CSMD1: variants seen among roughly 807,000 people sequenced by gnomAD.
CSMD1 encodes CUB and sushi domain-containing protein 1.
A neutral mutation model predicts 417.5 loss-of-function variants in CSMD1; 213 were observed. The ratio of observed to expected loss-of-function variants is 0.51; its 90% CI spans 0.46 to 0.57. CSMD1 has a LOEUF of 0.57. Ranked by LOEUF, CSMD1 falls within the 20% of genes least tolerant of loss-of-function variation. The probability of loss-of-function intolerance (pLI) is 0.00; values close to 1 mark genes in which losing one functional copy is unlikely to be tolerated. For synonymous variants in CSMD1, 2,862 were observed against 1,736.8 expected, an observed-to-expected ratio of 1.65 and a Z score of -16.11; for missense variants, 6,923 against 4,529.7, an observed-to-expected ratio of 1.53 and a Z score of -15.17.
At chr8:4,470,933 T>A (rs1800494509) in intron 2 of CSMD1, among the ~76,000 whole-genome samples, 1 of 152,186 alleles carries the variant, frequency 6.6e-6, no homozygotes, top group Admixed American at 6.5e-5. Context: ...AAATAAGTAT[T>A]TTTGGGATTT....
At chr8:4,974,670 T>C (rs1417502934) in intron 1 of CSMD1, among the ~76,000 whole-genome samples, 1 of 152,148 alleles carries the variant, frequency 6.6e-6, no homozygotes, top group African/African-American at 2.4e-5. Flanking sequence ...CAAATAATGG[T>C]TAGACTCAGA....
At chr8:4,991,209 G>T (rs1274780639) in intron 1 of CSMD1, among the ~76,000 whole-genome samples, 1 of 152,170 alleles carries the variant, frequency 6.6e-6, no homozygotes, top group Non-Finnish European at 1.5e-5. Flanking sequence ...TAATATTCCT[G>T]TTTACCAGAT....
chr8:4,381,631 C>G (rs1563114633), intron 3 of CSMD1, among the ~76,000 whole-genome samples: 1 of 152,182 alleles, frequency 6.6e-6, no homozygotes, highest in African/African-American at 2.4e-5. Context: ...GATCCCTCCA[C>G]CCCTTGTAGG....
intron 5 of CSMD1, among the ~76,000 whole-genome samples, chr8:3,778,462 C>G (rs1174047285): frequency 6.6e-6 from 1 of 152,222 alleles, no homozygotes; most frequent in Non-Finnish European, 1.5e-5. Flanking sequence ...GTGCCCTCGC[C>G]TTACAAGGGT....
At chr8:4,796,067 G>C (rs1350366486) in intron 1 of CSMD1, among the ~76,000 whole-genome samples, 1 of 152,106 alleles carries the variant, frequency 6.6e-6, no homozygotes, top group Non-Finnish European at 1.5e-5. Flanking sequence ...AGAGCCACTG[G>C]CATTACAAAG....
chr8:3,958,918 C>A (rs1387355742), intron 5 of CSMD1, among the ~76,000 whole-genome samples: 3 of 152,146 alleles, frequency 2.0e-5, no homozygotes, highest in South Asian at 2.1e-4. Flanking sequence ...AATATACAAT[C>A]ATTTGTGCAA....
At chr8:4,756,630 CT>C (rs775940333) in intron 1 of CSMD1, among the ~76,000 whole-genome samples, 1 of 152,196 alleles carries the variant, frequency 6.6e-6, no homozygotes, top group Non-Finnish European at 1.5e-5. Flanking sequence ...AATTGTCTCA[CT>C]CCAGGATTAA....
intron 49 of CSMD1, among the ~76,000 whole-genome samples, chr8:3,076,397 CT>C (rs1373059654): frequency 1.3e-5 from 2 of 152,210 alleles, no homozygotes; most frequent in African/African-American, 4.8e-5. Context: ...AAGAAAGACC[CT>C]GTCTCCAAAT....
intron 1 of CSMD1, among the ~76,000 whole-genome samples, chr8:4,687,147 G>C (rs949972659): frequency 3.9e-5 from 6 of 152,216 alleles, no homozygotes; most frequent in Non-Finnish European, 7.3e-5. Context: ...CCAGGGAAGA[G>C]CACCGCTGCC....
chr8:4,377,235 G>A lies in CSMD1; in HGVS notation c.415+42718C>T, dbSNP rs1239883711. Reference sequence around the variant, plus strand: ...GCGCAAAAGAGGAAAATAATTAACCGAGATTAGTAATTAAACAAAGCAACT... The same window carrying A: ...GCGCAAAAGAGGAAAATAATTAACCAAGATTAGTAATTAAACAAAGCAACT... On this transcript the variant is annotated intron_variant, in intron 3 of 69. Transcript: ENST00000635120. Among the ~76,000 whole-genome samples the A allele has an allele frequency of 2.0e-5, 3 of 152,126 alleles. 1 individual carries two copies. The highest frequency in any genetic ancestry group is 4.4e-5 in the Non-Finnish European group (3 of 68,030).
intron 5 of CSMD1, among the ~76,000 whole-genome samples, chr8:3,941,868 G>C (rs150551129): frequency 6.6e-6 from 1 of 152,068 alleles, no homozygotes; most frequent in Non-Finnish European, 1.5e-5. Context: ...CCCTGGCTAT[G>C]GGCCAGTGTC....
intron 51 of CSMD1, 72 bp from the exon 52 acceptor site, chr8:3,018,722 C>T (rs1267626266): frequency 1.4e-6 from 2 of 1,386,620 alleles, no homozygotes; most frequent in East Asian, 4.6e-5. Flanking sequence ...AACAAACAAA[C>T]AAAAACAAAC....
intron 7 of CSMD1, among the ~76,000 whole-genome samples, chr8:3,674,034 A>G (rs1258655126): frequency 6.6e-6 from 1 of 152,154 alleles, no homozygotes; most frequent in Non-Finnish European, 1.5e-5. Context: ...TGAGCCTGGG[A>G]GGCAGAGGTT....
intron 2 of CSMD1, among the ~76,000 whole-genome samples, chr8:4,433,256 G>A (rs376319543): frequency 1.6e-4 from 25 of 152,106 alleles, no homozygotes; most frequent in African/African-American, 6.0e-4. Flanking sequence ...ACATTTGAAT[G>A]ACCCCGAAAC....
At chr8:4,099,556 G>A (rs544908240) in intron 3 of CSMD1, among the ~76,000 whole-genome samples, 1 of 151,780 alleles carries the variant, frequency 6.6e-6, no homozygotes, top group South Asian at 2.1e-4. Context: ...CTGAAGTACT[G>A]TTTAAGGCAT....
At position 3,438,575 on chromosome 8, in the gene CSMD1, T is replaced by C. The variant is rs531727851; in HGVS notation, c.1562-28970A>G. Among the ~76,000 whole-genome samples the C allele has an allele frequency of 2.6e-5, 4 of 152,320 alleles. No homozygotes were observed. In the South Asian group the frequency reaches 6.2e-4, roughly 24 times the overall value. On this transcript the variant is annotated intron_variant, in intron 12 of 69. Coordinates refer to ENST00000635120, the MANE Select transcript of CSMD1 (RefSeq NM_033225.6). ...GTCATCAAGTTGGTGCTTGTATCAA[T>C]AGTTTATTCCTTTTTATTGCTGAGT...
intron 1 of CSMD1, among the ~76,000 whole-genome samples, chr8:4,944,515 GAGACTC>G (rs1808233657): frequency 6.6e-6 from 1 of 151,984 alleles, no homozygotes; most frequent in Admixed American, 6.6e-5. Context: ...GAACACATCA[GAGACTC>G]AGACTCAGAG....
intron 3 of CSMD1, among the ~76,000 whole-genome samples, chr8:4,249,464 G>C (rs750051627): frequency 3.3e-5 from 5 of 152,206 alleles, no homozygotes; most frequent in Non-Finnish European, 5.9e-5. Context: ...GACAGTGCGT[G>C]ATGTAAACAG....
chr8:4,608,071 G>A (rs190038756), intron 2 of CSMD1, among the ~76,000 whole-genome samples: 28 of 152,282 alleles, frequency 1.8e-4, no homozygotes, highest in African/African-American at 6.5e-4. Context: ...CCTGGGAGGA[G>A]ATGGTGCTTG....
Sources: gnomAD v4.1 joint callset for allele counts (sites outside exome capture counted in the v4.1 genomes callset) on GRCh38, gnomAD v4.1.1 for gene constraint, MANE v1.5 for transcripts, NCBI Gene and HGNC (gene_info 2026-07-23, HGNC 2026-07-21) for gene names.